The following NRP2 variants were observed in gnomAD, a reference collection of about 807,000 sequenced individuals.
NRP2 encodes neuropilin-2.
Under a neutral mutation model 110.4 loss-of-function variants are expected in NRP2, and 52 were observed. The observed-to-expected ratio is 0.47, with a 90% CI of 0.38 to 0.59. NRP2 has a LOEUF of 0.59. Among genes scored for constraint, NRP2 ranks in the 20% least tolerant of loss-of-function variants. The probability of loss-of-function intolerance (pLI) is 0.00; values close to 1 mark genes in which losing one functional copy is unlikely to be tolerated. For missense variants in NRP2, 1,049 were observed against 1,203.0 expected (o/e 0.87, Z 1.89); for synonymous variants, 508 against 468.9 (o/e 1.08, Z -1.08).
chr2:205,758,081 A>G (rs1359586752), intron 12 of NRP2, among the ~76,000 whole-genome samples: 2 of 152,132 alleles, frequency 1.3e-5, no homozygotes, highest in African/African-American at 2.4e-5. Context: ...TGTCCACAAA[A>G]TGGTCTATTG....
intron 12 of NRP2, among the ~76,000 whole-genome samples, chr2:205,755,219 T>C (rs1377443595): frequency 6.6e-6 from 1 of 152,168 alleles, no homozygotes; most frequent in Non-Finnish European, 1.5e-5. Flanking sequence ...CATTATACCC[T>C]GTGGTTTGGG....
At chr2:205,740,390 C>A in intron 7 of NRP2, 129 bp from the exon 8 acceptor site, 1 of 906,702 alleles carries the variant, frequency 1.1e-6, no homozygotes, top group Non-Finnish European at 1.8e-6. Flanking sequence ...AACAACATAC[C>A]CACTGATTAT....
At chr2:205,792,428 G>T in intron 16 of NRP2, 143 bp downstream of exon 16, 1 of 665,722 alleles carries the variant, frequency 1.5e-6, no homozygotes, top group Non-Finnish European at 2.7e-6. Context: ...GGAGAAAAAT[G>T]AGGGAACCAT....
intron 12 of NRP2, among the ~76,000 whole-genome samples, chr2:205,759,297 CA>C (rs1241046072): frequency 3.6e-4 from 55 of 152,320 alleles, no homozygotes; most frequent in African/African-American, 1.0e-3. Flanking sequence ...TATGCTCCAT[CA>C]GGGGTAGAAG....
chr2:205,770,949 T>C (rs2058013219), intron 15 of NRP2, among the ~76,000 whole-genome samples: 4 of 152,148 alleles, frequency 2.6e-5, no homozygotes, highest in Admixed American at 2.6e-4. Context: ...GCCTGACACG[T>C]CCCCTCTCCA....
At chr2:205,735,420 G>C (rs1207666913) in intron 7 of NRP2, among the ~76,000 whole-genome samples, 1 of 115,598 alleles carries the variant, frequency 8.7e-6, no homozygotes, top group Admixed American at 8.6e-5. Context: ...GAAACCATCA[G>C]TAATGCGTTC....
At chr2:205,750,025 A>G (rs1042515225) in intron 11 of NRP2, among the ~76,000 whole-genome samples, 184 bp downstream of exon 11, 1 of 152,198 alleles carries the variant, frequency 6.6e-6, no homozygotes, top group Non-Finnish European at 1.5e-5. Context: ...ATGTAGAAGC[A>G]TTTGGATAGT....
At position 205,758,478 on chromosome 2, in the gene NRP2, G is replaced by A. The variant is rs76562023; in HGVS notation, c.2045-5196G>A. On this transcript the variant is annotated intron_variant, in intron 12 of 16. Transcript: ENST00000357785. ...CACTTAAGCAGCTGAAGCCAGATGC[G>A]GCCGTAAATCGCCAGGTGAAATATC... Among the ~76,000 whole-genome samples, 955 of 152,266 alleles carry A rather than the reference G, an allele frequency of 6.3e-3. 22 individuals are homozygous for A. Among genetic ancestry groups the A allele is most frequent in the Non-Finnish European group, 4.0e-3 (272 of 68,020 alleles).
intron 15 of NRP2, among the ~76,000 whole-genome samples, chr2:205,789,669 C>G (rs1044099850): frequency 6.6e-6 from 1 of 152,154 alleles, no homozygotes; most frequent in Non-Finnish European, 1.5e-5. Flanking sequence ...TCCCAGAGGC[C>G]GGTAGCTTTA....
At position 205,763,599 on chromosome 2, in the gene NRP2, G is replaced by C; in HGVS notation, c.2045-75G>C. Reference sequence around the variant, plus strand: ...GAAACTCAGTCCCAACTTTCCCTTGGAGAGGCCACAGCAGCACACTGGTGT... The same window carrying C: ...GAAACTCAGTCCCAACTTTCCCTTGCAGAGGCCACAGCAGCACACTGGTGT... On this transcript the variant is annotated intron_variant, in intron 12 of 16. Transcript: ENST00000357785. This position sits in a 1 kb window ranked among gnomAD's most constrained non-coding sequence, Gnocchi z 4.0. 6.3e-7 allele frequency: 1 copy of C among 1,598,512 alleles called. No individual in the cohort carries two copies. Among genetic ancestry groups the C allele is most frequent in the Non-Finnish European group, 8.6e-7 (1 of 1,167,320 alleles).
At chr2:205,771,814 A>G (rs561628019) in intron 15 of NRP2, among the ~76,000 whole-genome samples, 1 of 152,358 alleles carries the variant, frequency 6.6e-6, no homozygotes, top group African/African-American at 2.4e-5. Context: ...TACAGGACAT[A>G]CAGTCTCTGT....
Position 205,763,870 on chromosome 2 carries a change from T to G in NRP2, c.2241T>G (p.Arg747=). 1 of 1,614,014 alleles carries G rather than the reference T, an allele frequency of 6.2e-7. No individual in the cohort carries two copies. Among genetic ancestry groups the G allele is most frequent in the Non-Finnish European group, 8.5e-7 (1 of 1,179,948 alleles). Residue 747 remains arginine, a synonymous_variant, in exon 13 of 17, where the codon CGT becomes CGG. Transcript: ENST00000357785. This position sits in a 1 kb window ranked among gnomAD's most constrained non-coding sequence, Gnocchi z 4.0. The part of the protein sequence containing the change: ...SQESKLLWVI[R]EDQGGEWKHG... ...AGAGCAAGTTGCTGTGGGTCATCCGTGAGGACCAGGGCGGCGAGTGGAAGC... is the reference window on the plus strand; with the variant it reads ...AGAGCAAGTTGCTGTGGGTCATCCGGGAGGACCAGGGCGGCGAGTGGAAGC...
At chr2:205,705,123 G>A (rs1351250367) in intron 2 of NRP2, among the ~76,000 whole-genome samples, 4 of 150,298 alleles carry the variant, frequency 2.7e-5, no homozygotes, top group Admixed American at 2.6e-4. Flanking sequence ...TTTGGATTAA[G>A]AGAAACTCAA....
At chr2:205,716,053 C>T in intron 2 of NRP2, 140 bp from the exon 3 acceptor site, 1 of 888,238 alleles carries the variant, frequency 1.1e-6, no homozygotes, top group Non-Finnish European at 1.9e-6. Context: ...TCTGTACAAG[C>T]AGACATAAGT....
At chr2:205,689,599 T>C (rs1047603646) in intron 1 of NRP2, among the ~76,000 whole-genome samples, 14 of 152,250 alleles carry the variant, frequency 9.2e-5, no homozygotes, top group Non-Finnish European at 1.5e-5. Context: ...CACCATATTA[T>C]CTCTCGCCAT....
intron 11 of NRP2, among the ~76,000 whole-genome samples, chr2:205,751,985 C>G (rs2057653987): frequency 6.6e-6 from 1 of 152,200 alleles, no homozygotes; most frequent in Non-Finnish European, 1.5e-5. Context: ...ATTTTTGGAG[C>G]TGGGTGGAAC....
Position 205,683,265 on chromosome 2 carries a change from C to G in NRP2, c.-26C>G. The G allele has an allele frequency of 6.4e-7, 1 of 1,565,844 alleles. No homozygotes were observed. The highest frequency in any genetic ancestry group is 8.8e-7 in the Non-Finnish European group (1 of 1,136,654). On this transcript the variant is annotated 5_prime_UTR_variant, in exon 1 of 17. Coordinates refer to ENST00000357785, the MANE Select transcript of NRP2 (RefSeq NM_003872.3). ...TTAAACAAGAAACCTACGAACCCAG[C>G]TCTGGAAAGAGCCACCTTCTCCAAA... is the stretch of plus-strand genomic sequence containing the variant.
chr2:205,706,507 C>A (rs770927152), intron 2 of NRP2, among the ~76,000 whole-genome samples: 56 of 152,066 alleles, frequency 3.7e-4, no homozygotes, highest in Non-Finnish European at 1.9e-4. Context: ...CCCCACCCGA[C>A]CCCCCTCTCC....
At chr2:205,706,235 T>G (rs1484846697) in intron 2 of NRP2, among the ~76,000 whole-genome samples, 1 of 151,638 alleles carries the variant, frequency 6.6e-6, no homozygotes, top group African/African-American at 2.4e-5. Context: ...TCAATGGAGC[T>G]GAACCAGAGT....
Sources: gnomAD v4.1 joint callset for allele counts (sites outside exome capture counted in the v4.1 genomes callset) on GRCh38, gnomAD v4.1.1 for gene constraint, Gnocchi (gnomAD v3.1) non-coding constraint, MANE v1.5 for transcripts, NCBI Gene and HGNC (gene_info 2026-07-23, HGNC 2026-07-21) for gene names.